The following ENOX1 variants were observed in gnomAD, a reference collection of about 807,000 sequenced individuals.
The protein encoded by ENOX1 is ecto-NOX disulfide-thiol exchanger 1, also known as candidate growth-related and time keeping constitutive hydroquinone (NADH) oxidase.
Under a neutral mutation model 82.5 loss-of-function variants are expected in ENOX1, and 42 were observed. That is an observed-to-expected ratio of 0.51 (90% CI 0.40 to 0.66). The LOEUF (loss-of-function observed/expected upper bound fraction) is 0.66. Ranked by LOEUF, ENOX1 falls within the 30% of genes least tolerant of loss-of-function variation. ENOX1 has a pLI of 0.00. For missense variants in ENOX1, 608 were observed against 811.6 expected (o/e 0.75, Z 3.05); for synonymous variants, 271 against 282.2 (o/e 0.96, Z 0.40).
chr13:43,650,272 TG>T (rs2153775949), intron 2 of ENOX1, among the ~76,000 whole-genome samples: 1 of 152,338 alleles, frequency 6.6e-6, no homozygotes, highest in Non-Finnish European at 1.5e-5. Flanking sequence ...TTTTAGCTTT[TG>T]AAGACCACAT....
intron 14 of ENOX1, 103 bp downstream of exon 14, chr13:43,265,295 G>C (rs1450458213): frequency 4.3e-6 from 4 of 941,100 alleles, no homozygotes; most frequent in Non-Finnish European, 6.4e-6. Context: ...CTGCTGACAG[G>C]CAGAGCTTCT....
chr13:43,687,138 G>A (rs1161122898), intron 1 of ENOX1, among the ~76,000 whole-genome samples: 1 of 152,138 alleles, frequency 6.6e-6, no homozygotes, highest in Non-Finnish European at 1.5e-5. Flanking sequence ...GATTTTAGGT[G>A]TCTGCCTTCT....
At chr13:43,602,212 A>T (rs1201848349) in intron 2 of ENOX1, among the ~76,000 whole-genome samples, 1 of 152,100 alleles carries the variant, frequency 6.6e-6, no homozygotes, top group Admixed American at 6.6e-5. Flanking sequence ...TTCAAAATAC[A>T]TGCACACACA....
intron 1 of ENOX1, among the ~76,000 whole-genome samples, chr13:43,717,799 A>C (rs2088254096): frequency 6.6e-6 from 1 of 152,162 alleles, no homozygotes. Context: ...GCTCATCACT[A>C]ATCATCAGAG....
At chr13:43,698,991 C>A (rs1246540970) in intron 1 of ENOX1, among the ~76,000 whole-genome samples, 1 of 152,178 alleles carries the variant, frequency 6.6e-6, no homozygotes, top group East Asian at 1.9e-4. Flanking sequence ...GACAGAGAAG[C>A]AAAGAGCTCA....
intron 5 of ENOX1, among the ~76,000 whole-genome samples, chr13:43,365,331 C>G (rs1265152614): frequency 6.6e-6 from 1 of 152,178 alleles, no homozygotes; most frequent in East Asian, 1.9e-4. Flanking sequence ...GTACTAGGAA[C>G]AAGTCTGGTC....
At chr13:43,283,970 T>C (rs1391342445) in intron 12 of ENOX1, among the ~76,000 whole-genome samples, 2 of 152,158 alleles carry the variant, frequency 1.3e-5, no homozygotes, top group Admixed American at 1.3e-4. Flanking sequence ...TTTCCAGATA[T>C]ACAAAATTTA....
At chr13:43,338,475 A>AT (rs1035015766) in intron 9 of ENOX1, among the ~76,000 whole-genome samples, 3 of 151,476 alleles carry the variant, frequency 2.0e-5, no homozygotes, top group Non-Finnish European at 4.4e-5. Flanking sequence ...CCTGTTCCGA[A>AT]TTTTTTTTTC....
chr13:43,625,249 GA>G (rs2082912800), intron 2 of ENOX1, among the ~76,000 whole-genome samples: 1 of 151,818 alleles, frequency 6.6e-6, no homozygotes, highest in Non-Finnish European at 1.5e-5. Context: ...CTAACTCCAG[GA>G]TTTTTTTATA....
chr13:43,669,426 G>A (rs568496036), intron 1 of ENOX1, among the ~76,000 whole-genome samples: 1 of 152,026 alleles, frequency 6.6e-6, no homozygotes, highest in South Asian at 2.1e-4. Flanking sequence ...CTACCTCCAA[G>A]TGCCCTCCTA....
intron 12 of ENOX1, among the ~76,000 whole-genome samples, chr13:43,273,415 T>C (rs970757891): frequency 2.6e-5 from 4 of 152,154 alleles, no homozygotes; most frequent in African/African-American, 9.7e-5. Context: ...CTCTAACCCC[T>C]ATAGATAAAA....
chr13:43,728,957 G>C (rs1325203727), intron 1 of ENOX1, among the ~76,000 whole-genome samples: 2 of 152,148 alleles, frequency 1.3e-5, no homozygotes, highest in Non-Finnish European at 2.9e-5. Context: ...GAAAATTTCT[G>C]CCCTTTCTTT....
rs36107926 is a variant in ENOX1, at chr13:43,360,711, CA to C, written c.382+567del. 9.2e-4 allele frequency among the ~76,000 whole-genome samples: 129 copies of C among 140,886 alleles called. 2 individuals carry two copies. Among genetic ancestry groups the C allele is most frequent in the Middle Eastern group, 7.4e-3 (2 of 272 alleles). The allele number at this position is 140,886 out of a possible 152,430, so 92.4% of individuals were successfully genotyped here. On this transcript the variant is annotated intron_variant, in intron 6 of 16. Coordinates refer to ENST00000690772, the MANE Select transcript of ENOX1 (RefSeq NM_001347969.2). Reference sequence around the variant, plus strand: ...AGGCAACACTGATTAATATGAATGACAAAAAAAAAAAAAAGTCCTAGCTCTT... The same window carrying C: ...AGGCAACACTGATTAATATGAATGACAAAAAAAAAAAAAGTCCTAGCTCTT...
At chr13:43,344,473 TA>T in intron 9 of ENOX1, 64 bp downstream of exon 9, 1 of 1,363,620 alleles carries the variant, frequency 7.3e-7, no homozygotes. Flanking sequence ...AATGAAAAAG[TA>T]AAATTAATAA....
intron 3 of ENOX1, among the ~76,000 whole-genome samples, chr13:43,470,316 ACACATATATATATG>A (rs1393702512): frequency 1.2e-4 from 8 of 68,448 alleles, no homozygotes; most frequent in African/African-American, 2.2e-4. Flanking sequence ...ACATATATAT[ACACATATATATATG>A]TATATATATA....
chr13:43,574,261 CAA>C (rs538743931), intron 2 of ENOX1, among the ~76,000 whole-genome samples: 81 of 152,226 alleles, frequency 5.3e-4, no homozygotes, highest in African/African-American at 1.9e-3. Flanking sequence ...TAGGAAAAAA[CAA>C]GAGGCCACGC....
chr13:43,445,612 G>A (rs2056612068), intron 3 of ENOX1, among the ~76,000 whole-genome samples: 1 of 152,014 alleles, frequency 6.6e-6, no homozygotes, highest in Admixed American at 6.6e-5. Context: ...GGTTTTTGTT[G>A]GATCTCAATG....
At chr13:43,237,491 T>C (rs1430384158) in intron 14 of ENOX1, among the ~76,000 whole-genome samples, 1 of 152,202 alleles carries the variant, frequency 6.6e-6, no homozygotes, top group East Asian at 1.9e-4. Flanking sequence ...TATGGGATAG[T>C]AGAATCATTA....
intron 11 of ENOX1, among the ~76,000 whole-genome samples, chr13:43,305,255 C>T (rs2046793884): frequency 2.4e-5 from 1 of 41,612 alleles, no homozygotes; most frequent in Non-Finnish European, 5.8e-5. Context: ...TTCAATAATA[C>T]CTGTATCACC....
Sources: allele counts gnomAD v4.1 joint callset (sites outside exome capture counted in the v4.1 genomes callset), GRCh38; gene constraint gnomAD v4.1.1; transcripts MANE v1.5; gene names NCBI Gene and HGNC (gene_info 2026-07-23, HGNC 2026-07-21).